Variants in MECOM observed in about 807,000 individuals in gnomAD.
MECOM encodes MDS1 and EVI1 complex locus.
In MECOM, 13 loss-of-function variants were observed where a neutral mutation model predicts 116.3. The ratio of observed to expected loss-of-function variants is 0.11; its 90% confidence interval spans 0.07 to 0.18. MECOM has a LOEUF of 0.18. Among genes scored for constraint, MECOM ranks in the 10% least tolerant of loss-of-function variants. MECOM has a pLI of 1.00. For missense variants in MECOM, 1,299 were observed against 1,509.0 expected (o/e 0.86, Z 2.31); for synonymous variants, 528 against 535.2 (o/e 0.99, Z 0.19).
chr3:169,183,807 CACACACACACACAT>C (rs1258516393), intron 2 of MECOM, among the ~76,000 whole-genome samples: 2 of 52,124 alleles, frequency 3.8e-5, no homozygotes, highest in African/African-American at 2.7e-4. Flanking sequence ...CACACACACA[CACACACACACACAT>C]ATATATATAT....
At chr3:169,179,531 A>G (rs1429948557) in intron 2 of MECOM, among the ~76,000 whole-genome samples, 1 of 152,232 alleles carries the variant, frequency 6.6e-6, no homozygotes, top group African/African-American at 2.4e-5. Context: ...CCTCTAAAAC[A>G]ATAGGTGGGG....
chr3:169,305,317 G>A (rs1399981723), intron 2 of MECOM, among the ~76,000 whole-genome samples: 1 of 152,104 alleles, frequency 6.6e-6, no homozygotes, highest in African/African-American at 2.4e-5. Context: ...AGGTGGAAAA[G>A]GTAGGTGTAA....
chr3:169,191,576 G>GAGAAAGAAGTGGAAGAA (rs1428104505), intron 2 of MECOM, among the ~76,000 whole-genome samples: 1 of 150,806 alleles, frequency 6.6e-6, no homozygotes, highest in African/African-American at 2.4e-5. Flanking sequence ...TGAAGGTAGG[G>GAGAAAGAAGTGGAAGAA]AGAAAGAAGT....
chr3:169,542,324 AG>A lies in MECOM; in HGVS notation c.37+121011del, dbSNP rs1467261170. 5.0e-5 allele frequency among the ~76,000 whole-genome samples: 7 copies of A among 140,994 alleles called. No individual in the cohort carries two copies. In the East Asian group the frequency reaches 2.6e-3, roughly 52 times the overall value. 92.5% of individuals were successfully genotyped at this position (140,994 alleles called of 152,430 possible). A position where few individuals can be genotyped will look rare whatever the true frequency, so the allele number is the denominator to read the frequency against. On this transcript the variant is annotated intron_variant, in intron 1 of 16. Transcript: ENST00000651503. ...CTTTTAATGTTTTGTTTTGTCTTCTAGAAAAAAAAAAAAGAACAGACTTATT... is the reference window on the plus strand; with the variant it reads ...CTTTTAATGTTTTGTTTTGTCTTCTAAAAAAAAAAAAAGAACAGACTTATT...
intron 1 of MECOM, among the ~76,000 whole-genome samples, chr3:169,508,983 A>G (rs1006273963): frequency 1.3e-5 from 2 of 152,242 alleles, no homozygotes; most frequent in African/African-American, 4.8e-5. Flanking sequence ...AAAGAGACCT[A>G]AAGAGTCTTA....
chr3:169,598,864 G>A (rs1372643599), intron 1 of MECOM, among the ~76,000 whole-genome samples: 1 of 152,096 alleles, frequency 6.6e-6, no homozygotes, highest in Non-Finnish European at 1.5e-5. Context: ...ATGGGACTAG[G>A]CATCAAAACC....
At chr3:169,299,707 G>A (rs1716341804) in intron 2 of MECOM, among the ~76,000 whole-genome samples, 1 of 152,114 alleles carries the variant, frequency 6.6e-6, no homozygotes, top group Non-Finnish European at 1.5e-5. Flanking sequence ...AGCCACTATG[G>A]AATTTTAATG....
chr3:169,171,196 G>T (rs1280356702), intron 2 of MECOM, among the ~76,000 whole-genome samples: 1 of 152,120 alleles, frequency 6.6e-6, no homozygotes, highest in East Asian at 1.9e-4. Flanking sequence ...AGGTTTAGAA[G>T]AAAAATATGT....
intron 2 of MECOM, among the ~76,000 whole-genome samples, chr3:169,266,416 C>T (rs553494664): frequency 5.3e-5 from 8 of 152,248 alleles, no homozygotes; most frequent in Admixed American, 2.0e-4. Context: ...AACCATTAAA[C>T]GTACAGGGCA....
At chr3:169,155,964 A>AG (rs1203277235) in intron 2 of MECOM, among the ~76,000 whole-genome samples, 4 of 152,212 alleles carry the variant, frequency 2.6e-5, no homozygotes, top group African/African-American at 9.6e-5. Flanking sequence ...TGTAATATTA[A>AG]AAGCATTCAC....
intron 1 of MECOM, among the ~76,000 whole-genome samples, chr3:169,642,123 T>A (rs1170037928): frequency 6.6e-6 from 1 of 152,186 alleles, no homozygotes; most frequent in East Asian, 1.9e-4. Flanking sequence ...GGCCTTCCCA[T>A]TTATTAATCA....
At chr3:169,244,598 C>T (rs1294223272) in intron 2 of MECOM, among the ~76,000 whole-genome samples, 1 of 152,182 alleles carries the variant, frequency 6.6e-6, no homozygotes, top group East Asian at 1.9e-4. Context: ...CCTTTAGATT[C>T]TTAATTCTCC....
intron 2 of MECOM, among the ~76,000 whole-genome samples, chr3:169,254,152 C>A (rs147169825): frequency 6.6e-6 from 1 of 152,140 alleles, no homozygotes; most frequent in East Asian, 1.9e-4. Flanking sequence ...ATGTGAAAAT[C>A]TTGGCATTAA....
intron 2 of MECOM, among the ~76,000 whole-genome samples, chr3:169,174,974 C>A (rs1744931055): frequency 6.7e-6 from 1 of 149,530 alleles, no homozygotes; most frequent in African/African-American, 2.4e-5. Context: ...CTATTGATTG[C>A]CTTTTTTGTC....
chr3:169,578,910 T>G (rs1764808099), intron 1 of MECOM, among the ~76,000 whole-genome samples: 1 of 152,210 alleles, frequency 6.6e-6, no homozygotes, highest in South Asian at 2.1e-4. Flanking sequence ...CCATTGCCAT[T>G]TCCCAAGCTA....
chr3:169,088,024 C>T (rs1441906172), intron 16 of MECOM, among the ~76,000 whole-genome samples: 1 of 152,180 alleles, frequency 6.6e-6, no homozygotes, highest in Non-Finnish European at 1.5e-5. Context: ...CCCATTGACA[C>T]AATGTTTTTC....
chr3:169,220,878 T>G (rs1752050592), intron 2 of MECOM, among the ~76,000 whole-genome samples: 1 of 152,226 alleles, frequency 6.6e-6, no homozygotes, highest in Non-Finnish European at 1.5e-5. Context: ...ACTAGTGTAT[T>G]TCCTGAGGCT....
intron 1 of MECOM, among the ~76,000 whole-genome samples, chr3:169,612,874 G>T (rs1769459261): frequency 6.6e-6 from 1 of 152,200 alleles, no homozygotes; most frequent in East Asian, 1.9e-4. Context: ...TAGGCCGTAA[G>T]TCTGAATTCC....
At chr3:169,298,451 A>T (rs1457396620) in intron 2 of MECOM, among the ~76,000 whole-genome samples, 1 of 151,792 alleles carries the variant, frequency 6.6e-6, no homozygotes, top group Non-Finnish European at 1.5e-5. Flanking sequence ...AATATAATAT[A>T]AACCATATTT....
Sources: gnomAD v4.1 joint callset for allele counts (sites outside exome capture counted in the v4.1 genomes callset) on GRCh38, gnomAD v4.1.1 for gene constraint, MANE v1.5 for transcripts, NCBI Gene and HGNC (gene_info 2026-07-23, HGNC 2026-07-21) for gene names.